Variants in THOP1 observed in about 807,000 individuals in gnomAD.
The protein encoded by THOP1 is thimet oligopeptidase.
A neutral mutation model predicts 71.8 loss-of-function variants in THOP1; 49 were observed. The observed-to-expected ratio is 0.68, with a 90% CI of 0.54 to 0.87. The LOEUF (loss-of-function observed/expected upper bound fraction) is 0.87. THOP1 is among the 40% of genes least tolerant of loss of function. The pLI, the probability that THOP1 is intolerant of heterozygous loss-of-function variation, is 0.00. For synonymous variants in THOP1, 426 were observed against 421.5 expected (o/e 1.01, Z -0.13); for missense variants, 843 against 975.6 (o/e 0.86, Z 1.81).
intron 12 of THOP1, chr19:2,812,072 A>T: frequency 8.0e-7 from 1 of 1,242,724 alleles, no homozygotes; most frequent in Non-Finnish European, 1.1e-6. Context: ...GAGTGCTGGG[A>T]GCTCCGTGTC....
chr19:2,796,622 T>G (rs1404794499), intron 4 of THOP1, among the ~76,000 whole-genome samples: 1 of 144,406 alleles, frequency 6.9e-6, no homozygotes, highest in Non-Finnish European at 1.5e-5. Context: ...CGGGGAGTGC[T>G]CAGTCCTGGG....
In THOP1 at chr19:2,794,919, G is replaced by A; in HGVS notation, c.378+7G>A. ...GAGGATCGTGTGGCTCCAGGTGAGG[G>A]GGCCCTGCGGGGAGTGCAAATAGCC... On this transcript the variant is annotated splice_region_variant and intron_variant, in intron 3 of 12. Coordinates refer to ENST00000307741, the MANE Select transcript of THOP1 (RefSeq NM_003249.5). The A allele has an allele frequency of 1.9e-6, 3 of 1,602,788 alleles. No individual in the cohort carries two copies. The highest frequency in any genetic ancestry group is 2.6e-6 in the Non-Finnish European group (3 of 1,170,602).
Position 2,799,670 on chromosome 19 carries a change from G to GC in THOP1, c.487-15dup. On this transcript the variant is annotated intron_variant, in intron 4 of 12. Coordinates refer to ENST00000307741, the MANE Select transcript of THOP1 (RefSeq NM_003249.5). ...CGCCCCGGTCTCTCCCTCCCCTCAC[G>GC]CCCCGCCTTTCTCTCCAGAACATCA... The GC allele has an allele frequency of 6.5e-7, 1 of 1,545,370 alleles. No homozygotes were observed. Among genetic ancestry groups the GC allele is most frequent in the Non-Finnish European group, 8.9e-7 (1 of 1,128,022 alleles).
intron 1 of THOP1, among the ~76,000 whole-genome samples, chr19:2,786,129 T>G (rs1443130237): frequency 6.6e-6 from 1 of 151,972 alleles, no homozygotes; most frequent in Non-Finnish European, 1.5e-5. Context: ...TCTGAAGAGG[T>G]GAGCGTCGAC....
In THOP1 at chr19:2,801,004, A is replaced by G. The variant is rs1419165768; in HGVS notation, c.589+1213A>G. ...GAGGAAACAAAAGCTTCTCATTGCA[A>G]GTGACTCCCAAGGAGACTGGGCGTC... is the stretch of plus-strand genomic sequence containing the variant. On this transcript the variant is annotated intron_variant, in intron 5 of 12. Transcript: ENST00000307741. The surrounding 1 kb of genome is among the most constrained non-coding windows in gnomAD (Gnocchi z 5.1). 6.6e-6 allele frequency among the ~76,000 whole-genome samples: 1 copy of G among 152,236 alleles called. No homozygotes were observed. The highest frequency in any genetic ancestry group is 1.5e-5 in the Non-Finnish European group (1 of 68,040).
rs749365081 is a variant in THOP1, at chr19:2,808,416, G to A, written c.1427G>A (p.Gly476Asp). Residue 476 changes from glycine to aspartate, a missense_variant, in exon 9 of 13, where the codon GGC becomes GAC. By Grantham distance (94) the Gly-to-Asp change is moderately conservative. Coordinates refer to ENST00000307741, the MANE Select transcript of THOP1 (RefSeq NM_003249.5). ...GTGGAGACCTACTTCCATGAGTTTG[G>A]CCACGTGATGCACCAGCTCTGCTCC... The part of the protein sequence containing the change: ...DEVETYFHEF[G>D]HVMHQLCSQA... The A allele has an allele frequency of 3.7e-6, 6 of 1,608,824 alleles. No homozygotes were observed. The highest frequency in any genetic ancestry group is 5.1e-6 in the Non-Finnish European group (6 of 1,176,962).
At chr19:2,807,103 G>A (rs1462497029) in intron 7 of THOP1, 51 bp downstream of exon 7, 2 of 1,562,938 alleles carry the variant, frequency 1.3e-6, no homozygotes, top group Non-Finnish European at 8.6e-7. Context: ...AGGTTCTCAG[G>A]GTCACCCCAG....
chr19:2,799,579 G>A lies in THOP1; in HGVS notation c.487-110G>A, dbSNP rs1916096443. 4 of 866,958 alleles carry A rather than the reference G, an allele frequency of 4.6e-6. No individual in the cohort carries two copies. In the African/African-American group the frequency reaches 5.0e-5, roughly 11 times the overall value. 53.7% of individuals were successfully genotyped at this position (866,958 alleles called of 1,614,324 possible). On this transcript the variant is annotated intron_variant, in intron 4 of 12. Coordinates refer to ENST00000307741, the MANE Select transcript of THOP1 (RefSeq NM_003249.5). ...CTCGGTTGCCTCTTCTTTCGGCCTG[G>A]TTCTTGGGGAAATCCCTCAGCCCTC...
intron 1 of THOP1, among the ~76,000 whole-genome samples, chr19:2,786,627 T>C (rs941042488): frequency 6.6e-6 from 1 of 152,128 alleles, no homozygotes; most frequent in Non-Finnish European, 1.5e-5. Context: ...AGACAGTCTG[T>C]GTCTCCCAGG....
At chr19:2,811,547 G>A (rs1382716784) in intron 11 of THOP1, 51 bp from the exon 12 acceptor site, 3 of 1,574,652 alleles carry the variant, frequency 1.9e-6, no homozygotes, top group Non-Finnish European at 2.6e-6. Flanking sequence ...TCCTGGAGGA[G>A]GAGCATGGGG....
At chr19:2,792,466 ACC>A (rs1034482541) in intron 2 of THOP1, among the ~76,000 whole-genome samples, 1 of 28,696 alleles carries the variant, frequency 3.5e-5, no homozygotes, top group Non-Finnish European at 8.6e-5. Flanking sequence ...TGCCCAGCCC[ACC>A]CCCCCTCTAA....
intron 4 of THOP1, among the ~76,000 whole-genome samples, chr19:2,797,455 C>G (rs1027032238): frequency 2.0e-5 from 3 of 152,224 alleles, no homozygotes; most frequent in Admixed American, 2.0e-4. Context: ...AGGCCGGCCA[C>G]TTGGGCACTT....
intron 5 of THOP1, among the ~76,000 whole-genome samples, chr19:2,803,990 T>C (rs1916223871): frequency 6.6e-6 from 1 of 151,854 alleles, no homozygotes; most frequent in Non-Finnish European, 1.5e-5. Context: ...GGGGTCGGCG[T>C]GAGCTCCCGA....
chr19:2,796,223 CA>C (rs771505621), intron 4 of THOP1, 35 bp downstream of exon 4: 1 of 1,523,104 alleles, frequency 6.6e-7, no homozygotes, highest in Non-Finnish European at 9.0e-7. Context: ...TGGGCGTGGG[CA>C]ATGGTCGATC....
At chr19:2,811,466 G>T in intron 11 of THOP1, 132 bp from the exon 12 acceptor site, 2 of 1,256,326 alleles carry the variant, frequency 1.6e-6, no homozygotes, top group Non-Finnish European at 2.1e-6. Flanking sequence ...AGCTGGTCTC[G>T]GCCCTCACCG....
chr19:2,800,967 C>G (rs187359079), intron 5 of THOP1, among the ~76,000 whole-genome samples: 34 of 152,210 alleles, frequency 2.2e-4, no homozygotes, highest in African/African-American at 8.2e-4. Context: ...AATGCCATGG[C>G]ACCAAGGATT....
At position 2,815,145 on chromosome 19, in the gene THOP1, G is replaced by C. The variant is rs984324958; in HGVS notation, c.*1869G>C. The stretch of plus-strand genomic sequence containing the variant: ...CACTGGGCAGAGGTGGAGATGGCAA[G>C]TCTGGGGGCTCCCTCATCTTCCCCT... On this transcript the variant is annotated 3_prime_UTR_variant, in exon 13 of 13. Transcript: ENST00000307741. 1.3e-5 allele frequency: 2 copies of C among 152,226 alleles called. No individual in the cohort carries two copies. The highest frequency in any genetic ancestry group is 4.8e-5 in the African/African-American group (2 of 41,440). The allele number at this position is 152,226 out of a possible 1,614,324, so 9.4% of individuals were successfully genotyped here.
rs538966621 is a variant in THOP1 at position 2,815,376 on chromosome 19, C to G, written c.*2100C>G. The stretch of plus-strand genomic sequence containing the variant: ...ACCCCACTCCCCTGGAAGTCACCAA[C>G]TGGGCTTAGTTGCCGGATACCCCAG... On this transcript the variant is annotated 3_prime_UTR_variant, in exon 13 of 13. Transcript: ENST00000307741. 6.6e-6 allele frequency: 1 copy of G among 152,544 alleles called. No individual in the cohort carries two copies. Among genetic ancestry groups the G allele is most frequent in the East Asian group, 1.9e-4 (1 of 5,192 alleles). 9.4% of individuals were successfully genotyped at this position (152,544 alleles called of 1,614,324 possible). A position where few individuals can be genotyped will look rare whatever the true frequency, so the allele number is the denominator to read the frequency against.
chr19:2,807,984 G>A (rs921060289), intron 8 of THOP1, 176 bp downstream of exon 8: 32 of 846,414 alleles, frequency 3.8e-5, no homozygotes, highest in African/African-American at 8.6e-5. Flanking sequence ...AGCTGTCCCC[G>A]TTTCCAGTCT....
Sources: allele counts gnomAD v4.1 joint callset (sites outside exome capture counted in the v4.1 genomes callset), GRCh38; gene constraint gnomAD v4.1.1; non-coding constraint Gnocchi (gnomAD v3.1); transcripts MANE v1.5; gene names NCBI Gene and HGNC (gene_info 2026-07-23, HGNC 2026-07-21).